SIL1: variants seen among roughly 807,000 people sequenced by gnomAD.
SIL1 encodes the protein SIL1 nucleotide exchange factor, also known as nucleotide exchange factor SIL1.
In SIL1, 40 loss-of-function variants were observed where a neutral mutation model predicts 49.1. The ratio of observed to expected loss-of-function variants is 0.81; its 90% confidence interval spans 0.63 to 1.06. The LOEUF (loss-of-function observed/expected upper bound fraction) is 1.06. SIL1 is among the 50% of genes least tolerant of loss of function. The probability of loss-of-function intolerance (pLI) is 0.00; values close to 1 mark genes in which losing one functional copy is unlikely to be tolerated. For synonymous variants in SIL1, 253 were observed against 250.8 expected, an observed-to-expected ratio of 1.01 and a Z score of -0.08; for missense variants, 500 against 572.6, an observed-to-expected ratio of 0.87 and a Z score of 1.29.
At chr5:139,155,502 T>A (rs1751391796) in intron 1 of SIL1, 2 of 113,080 alleles carry the variant, frequency 1.8e-5, no homozygotes, top group South Asian at 6.6e-4. Flanking sequence ...CTCTCTTTAA[T>A]CTCTTCTTAT....
At chr5:139,169,629 ACAC>A (rs1262791977) in intron 1 of SIL1, among the ~76,000 whole-genome samples, 1 of 151,514 alleles carries the variant, frequency 6.6e-6, no homozygotes, top group Non-Finnish European at 1.5e-5. Context: ...CTACAGGTGC[ACAC>A]CACCACACCT....
intron 7 of SIL1, among the ~76,000 whole-genome samples, chr5:138,982,584 G>T (rs1461368447): frequency 6.6e-6 from 1 of 152,194 alleles, no homozygotes; most frequent in Non-Finnish European, 1.5e-5. Context: ...CATGGCTCCA[G>T]CAGGAGCAGG....
intron 1 of SIL1, among the ~76,000 whole-genome samples, chr5:139,130,957 G>C (rs1033691294): frequency 1.3e-5 from 2 of 152,154 alleles, no homozygotes; most frequent in Non-Finnish European, 2.9e-5. Context: ...AGCAGTTACC[G>C]GGTTAAGGAA....
At chr5:139,099,031 G>A (rs1430305778) in intron 3 of SIL1, among the ~76,000 whole-genome samples, 1 of 151,866 alleles carries the variant, frequency 6.6e-6, no homozygotes, top group Non-Finnish European at 1.5e-5. Flanking sequence ...TGGCCAGGTT[G>A]TTCTCAAACT....
intron 3 of SIL1, among the ~76,000 whole-genome samples, chr5:139,112,281 G>A (rs1581108441): frequency 6.6e-6 from 1 of 152,202 alleles, no homozygotes; most frequent in South Asian, 2.1e-4. Context: ...TCCGAGAAGT[G>A]AGGAGCGTCT....
chr5:139,053,082 G>A (rs756799714), intron 3 of SIL1, among the ~76,000 whole-genome samples: 40 of 152,192 alleles, frequency 2.6e-4, no homozygotes, highest in Non-Finnish European at 4.0e-4. Flanking sequence ...AATTTCTTTA[G>A]TACTAATCTA....
chr5:139,127,043 T>C (rs1193893611), intron 2 of SIL1, among the ~76,000 whole-genome samples: 2 of 152,142 alleles, frequency 1.3e-5, no homozygotes, highest in East Asian at 3.9e-4. Flanking sequence ...CCAGGAACCG[T>C]AGTGTGCTGC....
Position 139,042,671 on chromosome 5 carries a change from T to G in SIL1, c.402A>C (p.Ala134=). The G allele has an allele frequency of 6.2e-7, 1 of 1,614,152 alleles. No individual in the cohort carries two copies. Among genetic ancestry groups the G allele is most frequent in the African/African-American group, 1.3e-5 (1 of 75,030 alleles). ...CTGCCCCCTCCTTGAATTTTGCCAG[T>G]GCACTCTTGAGATCCTGAGATGTGT... ...NTYTSQDLKS[A]LAKFKEGAEM... is the part of the protein sequence containing the mutation. Residue 134 remains alanine, a synonymous_variant, in exon 5 of 10, where the codon GCA becomes GCC. Transcript: ENST00000394817.
intron 1 of SIL1, among the ~76,000 whole-genome samples, chr5:139,176,794 G>A (rs772397871): frequency 7.2e-5 from 11 of 152,078 alleles, no homozygotes; most frequent in Non-Finnish European, 1.5e-4. Context: ...TTCAACATAT[G>A]AATTTGGAGG....
chr5:139,020,253 T>C (rs1161138066), intron 7 of SIL1, among the ~76,000 whole-genome samples: 4 of 152,232 alleles, frequency 2.6e-5, no homozygotes, highest in Non-Finnish European at 5.9e-5. Context: ...CCCTTCAACT[T>C]ACTAAGAAAA....
At chr5:139,005,256 A>T (rs952755049) in intron 7 of SIL1, among the ~76,000 whole-genome samples, 33 of 147,108 alleles carry the variant, frequency 2.2e-4, no homozygotes, top group Middle Eastern at 7.1e-3. Flanking sequence ...GTAAAAAAAA[A>T]TTTTTTTTAA....
chr5:139,179,316 G>C (rs1268836620), intron 1 of SIL1, among the ~76,000 whole-genome samples: 1 of 152,140 alleles, frequency 6.6e-6, no homozygotes, highest in Non-Finnish European at 1.5e-5. Context: ...AGGCTACAGG[G>C]GCAGAAGCAG....
At chr5:139,118,325 T>C (rs1771042522) in intron 3 of SIL1, among the ~76,000 whole-genome samples, 1 of 152,122 alleles carries the variant, frequency 6.6e-6, no homozygotes, top group Non-Finnish European at 1.5e-5. Flanking sequence ...CACAATGGGA[T>C]TGAAGGGATG....
chr5:139,143,004 G>A (rs927569750), intron 1 of SIL1, among the ~76,000 whole-genome samples: 5 of 151,662 alleles, frequency 3.3e-5, no homozygotes, highest in South Asian at 2.1e-4. Context: ...TCCTGACCTC[G>A]TGATCCGCCC....
At chr5:139,003,513 T>C (rs1768038578) in intron 7 of SIL1, among the ~76,000 whole-genome samples, 1 of 152,210 alleles carries the variant, frequency 6.6e-6, no homozygotes, top group Non-Finnish European at 1.5e-5. Flanking sequence ...TTATTTACTC[T>C]TTGCCCTTGG....
At chr5:139,149,132 A>G (rs1270431945) in intron 1 of SIL1, among the ~76,000 whole-genome samples, 1 of 152,152 alleles carries the variant, frequency 6.6e-6, no homozygotes, top group African/African-American at 2.4e-5. Context: ...CCAGGAAAAA[A>G]AAAAAGAAAC....
chr5:138,997,684 G>T (rs751483109), intron 7 of SIL1, among the ~76,000 whole-genome samples: 4 of 152,124 alleles, frequency 2.6e-5, no homozygotes, highest in Non-Finnish European at 5.9e-5. Context: ...TCAGCCTCCC[G>T]AATAGCTGGG....
intron 1 of SIL1, among the ~76,000 whole-genome samples, chr5:139,181,751 T>C (rs1267989280): frequency 6.6e-6 from 1 of 152,192 alleles, no homozygotes; most frequent in Non-Finnish European, 1.5e-5. Flanking sequence ...CCACCTCCTG[T>C]CAGCCAAAGC....
chr5:139,153,306 C>G (rs567241910), intron 1 of SIL1, among the ~76,000 whole-genome samples: 1 of 152,202 alleles, frequency 6.6e-6, no homozygotes, highest in South Asian at 2.1e-4. Flanking sequence ...CCCAACCCTC[C>G]CCACTACAGC....
Sources: gnomAD v4.1 joint callset for allele counts (sites outside exome capture counted in the v4.1 genomes callset) on GRCh38, gnomAD v4.1.1 for gene constraint, MANE v1.5 for transcripts, NCBI Gene and HGNC (gene_info 2026-07-23, HGNC 2026-07-21) for gene names.